The following DLG1 variants were observed in gnomAD, a reference collection of about 807,000 sequenced individuals.
The protein encoded by DLG1 is discs large MAGUK scaffold protein 1.
Under a neutral mutation model 123.4 loss-of-function variants are expected in DLG1, and 42 were observed. That is an observed-to-expected ratio of 0.34 (90% CI 0.27 to 0.44). The LOEUF (loss-of-function observed/expected upper bound fraction) is 0.44. Among genes scored for constraint, DLG1 ranks in the 20% least tolerant of loss-of-function variants. The pLI is 1.00. For missense variants in DLG1, 942 were observed against 1,082.6 expected, an observed-to-expected ratio of 0.87 and a Z score of 1.82; for synonymous variants, 317 against 356.2, an observed-to-expected ratio of 0.89 and a Z score of 1.24.
intron 5 of DLG1, among the ~76,000 whole-genome samples, chr3:197,170,238 A>T (rs561129170): frequency 6.6e-6 from 1 of 152,186 alleles, no homozygotes; most frequent in Non-Finnish European, 1.5e-5. Flanking sequence ...TCATGTCTTT[A>T]TAACAGAACA....
intron 13 of DLG1, 116 bp from the exon 14 acceptor site, chr3:197,105,121 CTAAAA>C (rs1765647644): frequency 1.7e-6 from 1 of 595,850 alleles, no homozygotes; most frequent in Admixed American, 3.6e-5. Flanking sequence ...AACTTTACCA[CTAAAA>C]TGTTTCTTGT....
chr3:197,130,486 A>T (rs1430153386), intron 11 of DLG1, 41 bp downstream of exon 11: 7 of 1,507,208 alleles, frequency 4.6e-6, no homozygotes, highest in African/African-American at 1.4e-5. Flanking sequence ...ACAACTGAAG[A>T]AGTAAGATAA....
At chr3:197,180,614 T>C (rs750142923) in intron 5 of DLG1, among the ~76,000 whole-genome samples, 1 of 152,044 alleles carries the variant, frequency 6.6e-6, no homozygotes, top group Non-Finnish European at 1.5e-5. Context: ...TGAGATACAA[T>C]GAAATGATAA....
intron 5 of DLG1, among the ~76,000 whole-genome samples, chr3:197,172,260 C>T (rs1435822277): frequency 6.6e-6 from 1 of 152,036 alleles, no homozygotes; most frequent in Non-Finnish European, 1.5e-5. Context: ...GCCAGTTGTA[C>T]AGAAGTATAA....
At chr3:197,272,288 G>C (rs950549437) in intron 4 of DLG1, among the ~76,000 whole-genome samples, 2 of 151,752 alleles carry the variant, frequency 1.3e-5, no homozygotes, top group Non-Finnish European at 2.9e-5. Context: ...TAGTTCAAGG[G>C]TGCAGTCAGC....
chr3:197,043,104 T>C lies in DLG1; in HGVS notation c.*1519A>G, dbSNP rs1375278124. The C allele has an allele frequency of 1.3e-5, 2 of 152,216 alleles. No homozygotes were observed. Among genetic ancestry groups the C allele is most frequent in the Non-Finnish European group, 2.9e-5 (2 of 68,026 alleles). 9.4% of individuals were successfully genotyped at this position (152,216 alleles called of 1,614,324 possible). ...GGGAAGCCAAATATTATTATTAATA[T>C]GAAGGACCAGAGAAACTGATTTGTG... On this transcript the variant is annotated 3_prime_UTR_variant, in exon 25 of 25. Transcript: ENST00000667157.
rs747291455 is a variant in DLG1 at position 197,119,460 on chromosome 3, G to A, written c.1236C>T (p.Ala412=). Residue 412 remains alanine, a synonymous_variant, in exon 12 of 25, where the codon GCC becomes GCT. Coordinates refer to ENST00000667157, the MANE Select transcript of DLG1 (RefSeq NM_001366207.1). ...SFLGQTPASP[A]RYSPVSKAVL... ...CTGCTTTAGAAACTGGGGAGTATCT[G>A]GCTGGAGATGCTGGTGTCTGGCCCA... is the stretch of plus-strand genomic sequence containing the variant. 6.2e-7 allele frequency: 1 copy of A among 1,611,518 alleles called. No individual in the cohort carries two copies. The highest frequency in any genetic ancestry group is 1.1e-5 in the South Asian group (1 of 91,004).
chr3:197,145,965 G>T lies in DLG1; in HGVS notation c.538-3197C>A, dbSNP rs371850738. ...AGATTGTGCTACTGTACTCCAACCT[G>T]GGCAACAAACAGAGTGAGACACTGT... On this transcript the variant is annotated intron_variant, in intron 6 of 24. Transcript: ENST00000667157. 1.7e-4 allele frequency among the ~76,000 whole-genome samples: 26 copies of T among 150,278 alleles called. No homozygotes were observed. The East Asian group carries it at 3.7e-3, about 21-fold the overall frequency.
intron 4 of DLG1, among the ~76,000 whole-genome samples, chr3:197,203,022 C>T (rs112506023): frequency 6.6e-6 from 1 of 152,120 alleles, no homozygotes; most frequent in Admixed American, 6.5e-5. Flanking sequence ...CTGTAATCCC[C>T]AGCACTTTGG....
intron 4 of DLG1, among the ~76,000 whole-genome samples, chr3:197,258,523 C>A (rs1757892344): frequency 1.3e-5 from 2 of 151,470 alleles, no homozygotes; most frequent in Non-Finnish European, 3.0e-5. Context: ...AATGATGCAA[C>A]GTGCCTACCT....
At chr3:197,125,234 G>A (rs1169650754) in intron 11 of DLG1, among the ~76,000 whole-genome samples, 2 of 152,230 alleles carry the variant, frequency 1.3e-5, no homozygotes, top group Middle Eastern at 6.8e-3. Context: ...TCTTTAGAGT[G>A]GGAGAGTGAA....
chr3:197,208,137 T>TG (rs1729554061), intron 4 of DLG1, among the ~76,000 whole-genome samples: 1 of 146,342 alleles, frequency 6.8e-6, no homozygotes. Flanking sequence ...AAGTAATTCT[T>TG]ACATATACAA....
chr3:197,049,820 T>C (rs1726034981), intron 24 of DLG1, among the ~76,000 whole-genome samples: 1 of 152,148 alleles, frequency 6.6e-6, no homozygotes, highest in Admixed American at 6.5e-5. Flanking sequence ...CCAAGCACTC[T>C]GGGAGGCCGA....
chr3:197,288,300 G>A (rs1294905840), intron 3 of DLG1, among the ~76,000 whole-genome samples: 2 of 138,172 alleles, frequency 1.4e-5, no homozygotes, highest in Non-Finnish European at 3.0e-5. Flanking sequence ...GGAGGCAGAG[G>A]TAGCAGTGAG....
chr3:197,210,192 A>AT, intron 4 of DLG1, among the ~76,000 whole-genome samples: 1 of 145,360 alleles, frequency 6.9e-6, no homozygotes, highest in East Asian at 2.0e-4. Context: ...AACTGCTTAC[A>AT]TTAAAAATGA....
chr3:197,115,849 TA>T (rs1382173711), intron 13 of DLG1, 77 bp downstream of exon 13: 21 of 1,427,024 alleles, frequency 1.5e-5, no homozygotes, highest in Admixed American at 2.1e-5. Flanking sequence ...CTTTAGGATA[TA>T]AAAAAACAGA....
chr3:197,152,514 C>A (rs1045338685), intron 5 of DLG1, among the ~76,000 whole-genome samples: 7 of 147,766 alleles, frequency 4.7e-5, no homozygotes, highest in African/African-American at 1.5e-4. Flanking sequence ...CGGTGGCTCA[C>A]GCCTGTAATC....
rs183786712 is a variant in DLG1, at chr3:197,211,589, T to A, written c.319-17000A>T. Reference sequence around the variant, plus strand: ...CTCCCACCTGTCAGAGTGGTTATTATTAAAAAGTCAAAAAAACAGATGCTG... The same window carrying A: ...CTCCCACCTGTCAGAGTGGTTATTAATAAAAAGTCAAAAAAACAGATGCTG... On this transcript the variant is annotated intron_variant, in intron 4 of 24. Coordinates refer to ENST00000667157, the MANE Select transcript of DLG1 (RefSeq NM_001366207.1). 9.6e-5 allele frequency among the ~76,000 whole-genome samples: 14 copies of A among 146,294 alleles called. No individual in the cohort carries two copies. In the East Asian group the frequency reaches 2.8e-3, roughly 29 times the overall value.
At chr3:197,124,573 C>A (rs867408135) in intron 11 of DLG1, among the ~76,000 whole-genome samples, 1 of 151,896 alleles carries the variant, frequency 6.6e-6, no homozygotes, top group South Asian at 2.1e-4. Context: ...CGTGCCTGGT[C>A]TCTTTTTTAA....
Sources: gnomAD v4.1 joint callset for allele counts (sites outside exome capture counted in the v4.1 genomes callset) on GRCh38, gnomAD v4.1.1 for gene constraint, MANE v1.5 for transcripts, NCBI Gene and HGNC (gene_info 2026-07-23, HGNC 2026-07-21) for gene names.